FBXO34: variants seen among roughly 807,000 people sequenced by gnomAD.
FBXO34 encodes the protein F-box only protein 34.
In FBXO34, 12 loss-of-function variants were observed where a neutral mutation model predicts 24.5. That is an observed-to-expected ratio of 0.49 (90% CI 0.31 to 0.79). The LOEUF is 0.79. Ranked by LOEUF, FBXO34 falls within the 30% of genes least tolerant of loss-of-function variation. FBXO34 has a pLI of 0.04. For missense variants in FBXO34, 823 were observed against 857.7 expected, an observed-to-expected ratio of 0.96 and a Z score of 0.51; for synonymous variants, 320 against 311.9, an observed-to-expected ratio of 1.03 and a Z score of -0.27.
downstream of FBXO34, chr14:55,366,564 G>A (rs919003799): frequency 5.9e-5 from 9 of 152,448 alleles, no homozygotes; most frequent in African/African-American, 2.2e-4. Context: ...TCCCCAAATT[G>A]AGTCCTTACA....
chr14:55,436,500 G>A, the FBXO34 span: 19 of 1,372,208 alleles, frequency 1.4e-5, no homozygotes, highest in African/African-American at 4.3e-5. Flanking sequence ...AGTTGTCATC[G>A]CATTCAGGAA....
intron 1 of FBXO34, among the ~76,000 whole-genome samples, chr14:55,279,958 T>C (rs200665220): frequency 6.6e-6 from 1 of 152,266 alleles, no homozygotes; most frequent in East Asian, 1.9e-4. Context: ...CATTAAGTTT[T>C]AGTGAAACTT....
At chr14:55,346,339 G>A (rs928928864) in intron 1 of FBXO34, among the ~76,000 whole-genome samples, 1 of 152,192 alleles carries the variant, frequency 6.6e-6, no homozygotes, top group African/African-American at 2.4e-5. Context: ...GTTGTGCTAG[G>A]GATAAAGAGT....
At chr14:55,336,172 G>C (rs1264873640) in intron 1 of FBXO34, among the ~76,000 whole-genome samples, 1 of 152,184 alleles carries the variant, frequency 6.6e-6, no homozygotes, top group Non-Finnish European at 1.5e-5. Flanking sequence ...GGATTGATTG[G>C]TCTTGACTGC....
chr14:55,413,965 C>T, the FBXO34 span: 3 of 504,212 alleles, frequency 5.9e-6, no homozygotes, highest in African/African-American at 2.0e-5. Flanking sequence ...TTCGTAGATT[C>T]GCATGTATGT....
chr14:55,413,565 G>T, the FBXO34 span: 1 of 437,630 alleles, frequency 2.3e-6, no homozygotes. Flanking sequence ...ATTATGCCAT[G>T]AACTCATAGG....
chr14:55,378,574 C>T, the FBXO34 span, among the ~76,000 whole-genome samples: 1 of 152,156 alleles, frequency 6.6e-6, no homozygotes, highest in African/African-American at 2.4e-5. Context: ...AGCCTCTTTC[C>T]TTAGGGGTCC....
chr14:55,305,818 C>T (rs7159824), intron 1 of FBXO34, among the ~76,000 whole-genome samples: 45,241 of 152,126 alleles, frequency 0.3, 7,121 homozygotes, highest in Non-Finnish European at 0.34. Flanking sequence ...ACATTTCTCC[C>T]GGTTACTGCA....
chr14:55,356,099 G>T (rs543907049), downstream of FBXO34, among the ~76,000 whole-genome samples: 2 of 152,276 alleles, frequency 1.3e-5, no homozygotes, highest in African/African-American at 4.8e-5. Context: ...TGACCTAGAG[G>T]TTCCCTTCCT....
chr14:55,276,417 G>A (rs547253473), intron 1 of FBXO34, among the ~76,000 whole-genome samples: 77 of 152,138 alleles, frequency 5.1e-4, no homozygotes, highest in Non-Finnish European at 1.1e-3. Flanking sequence ...TTTTGTTTTT[G>A]TTGTATTTCA....
At chr14:55,349,359 G>A (rs1439286671) in intron 1 of FBXO34, among the ~76,000 whole-genome samples, 1 of 151,900 alleles carries the variant, frequency 6.6e-6, no homozygotes, top group East Asian at 1.9e-4. Context: ...TCTACCCCTG[G>A]CCAAGGACCA....
chr14:55,327,903 TGTTG>T (rs1266646681), intron 1 of FBXO34, among the ~76,000 whole-genome samples: 1 of 143,834 alleles, frequency 7.0e-6, no homozygotes, highest in African/African-American at 2.6e-5. Context: ...TCTTTGTTGT[TGTTG>T]GTTTTTTTTT....
chr14:55,415,020 G>A, the FBXO34 span, among the ~76,000 whole-genome samples: 1 of 152,216 alleles, frequency 6.6e-6, no homozygotes, highest in African/African-American at 2.4e-5. Context: ...CATAACTGCT[G>A]TAGGAATTAC....
intron 1 of FBXO34, among the ~76,000 whole-genome samples, chr14:55,300,953 A>G (rs1197577246): frequency 1.3e-5 from 2 of 152,202 alleles, no homozygotes; most frequent in African/African-American, 4.8e-5. Context: ...TGAATTTTAG[A>G]ATTTGATTTA....
At chr14:55,299,975 A>G (rs1882292180) in intron 1 of FBXO34, among the ~76,000 whole-genome samples, 1 of 152,224 alleles carries the variant, frequency 6.6e-6, no homozygotes, top group Non-Finnish European at 1.5e-5. Flanking sequence ...ATTCTCAGGC[A>G]AATTCCAGAG....
chr14:55,328,135 T>A (rs960463530), intron 1 of FBXO34, among the ~76,000 whole-genome samples: 8 of 151,896 alleles, frequency 5.3e-5, no homozygotes, highest in African/African-American at 1.9e-4. Flanking sequence ...TTTTTTGTAT[T>A]TTTAGTAGAG....
the FBXO34 span, among the ~76,000 whole-genome samples, chr14:55,383,631 T>C: frequency 1.3e-5 from 2 of 151,174 alleles, 1 homozygote; most frequent in African/African-American, 4.9e-5. Context: ...AAGCCCATCA[T>C]GATGACTCAT....
downstream of FBXO34, among the ~76,000 whole-genome samples, chr14:55,356,704 C>T (rs10134213): frequency 0.19 from 28,955 of 151,668 alleles, 2,855 homozygotes; most frequent in East Asian, 0.24. Context: ...GTGATCTGCC[C>T]ACCTCAGCCT....
chr14:55,419,129 G>A, the FBXO34 span, among the ~76,000 whole-genome samples: 2 of 152,254 alleles, frequency 1.3e-5, no homozygotes, highest in African/African-American at 4.8e-5. Context: ...AGACCACACA[G>A]GTGTTATTGT....
Sources: allele counts gnomAD v4.1 joint callset (sites outside exome capture counted in the v4.1 genomes callset), GRCh38; gene constraint gnomAD v4.1.1; transcripts MANE v1.5; gene names NCBI Gene and HGNC (gene_info 2026-07-23, HGNC 2026-07-21).